RBFOX2: variants seen among roughly 807,000 people sequenced by gnomAD.
RBFOX2 encodes RNA binding protein fox-1 homolog 2.
RBFOX2 carries 10 observed loss-of-function variants against 49.1 expected under a neutral mutation model. The ratio of observed to expected loss-of-function variants is 0.20; its 90% confidence interval spans 0.13 to 0.35. The LOEUF is 0.35. RBFOX2 is among the 10% of genes least tolerant of loss of function. The probability of loss-of-function intolerance (pLI) is 1.00; values close to 1 mark genes in which losing one functional copy is unlikely to be tolerated. For missense variants in RBFOX2, 323 were observed against 486.9 expected (o/e 0.66, Z 3.17); for synonymous variants, 183 against 187.4 (o/e 0.98, Z 0.19).
chr22:35,766,933 G>C (rs556003526), intron 5 of RBFOX2, among the ~76,000 whole-genome samples: 1 of 152,154 alleles, frequency 6.6e-6, no homozygotes, highest in Non-Finnish European at 1.5e-5. Context: ...CGGAAAAAGA[G>C]AGTAAGGTAG....
intron 1 of RBFOX2, among the ~76,000 whole-genome samples, chr22:35,868,997 C>T (rs1336050803): frequency 6.6e-6 from 1 of 152,096 alleles, no homozygotes; most frequent in African/African-American, 2.4e-5. Context: ...AGGGCTTTAC[C>T]TTTATTTCTA....
At chr22:35,886,430 C>T (rs1028416723) in intron 1 of RBFOX2, among the ~76,000 whole-genome samples, 2 of 152,148 alleles carry the variant, frequency 1.3e-5, no homozygotes, top group African/African-American at 2.4e-5. Context: ...GCAATATAGT[C>T]ATGTGCTGCT....
intron 1 of RBFOX2, among the ~76,000 whole-genome samples, chr22:35,902,694 G>A (rs1037466762): frequency 6.6e-6 from 1 of 151,820 alleles, no homozygotes; most frequent in African/African-American, 2.4e-5. Context: ...GCCCAGGCTG[G>A]AGTGCAGTGG....
At chr22:35,828,794 G>A (rs1261438764) in intron 1 of RBFOX2, among the ~76,000 whole-genome samples, 7 of 152,244 alleles carry the variant, frequency 4.6e-5, no homozygotes, top group Admixed American at 4.6e-4. Flanking sequence ...GCTCATGCCT[G>A]TAATCCCAGC....
intron 1 of RBFOX2, among the ~76,000 whole-genome samples, chr22:35,828,160 CAAA>C (rs201383680): frequency 7.5e-5 from 5 of 66,548 alleles, no homozygotes; most frequent in Non-Finnish European, 6.5e-5. Flanking sequence ...GAATCTGTCT[CAAA>C]AAAAAAAAAA....
At chr22:35,961,955 A>T (rs1327942546), upstream of RBFOX2, among the ~76,000 whole-genome samples, 1 of 152,202 alleles carries the variant, frequency 6.6e-6, no homozygotes, top group African/African-American at 2.4e-5. Flanking sequence ...TCTGCTGAGC[A>T]TTAAAAACAA....
chr22:35,891,341 G>C (rs2149371410), intron 1 of RBFOX2, among the ~76,000 whole-genome samples: 1 of 152,174 alleles, frequency 6.6e-6, no homozygotes, highest in Admixed American at 6.5e-5. Flanking sequence ...CACCATGTTA[G>C]CCAGAATGGT....
intron 1 of RBFOX2, among the ~76,000 whole-genome samples, chr22:35,858,989 T>G (rs754581138): frequency 4.6e-5 from 7 of 152,232 alleles, no homozygotes; most frequent in Non-Finnish European, 7.3e-5. Context: ...TCAGTCAATA[T>G]TCATTCAATC....
chr22:36,010,933 C>T (rs2058799634), intron 1 of RBFOX2, among the ~76,000 whole-genome samples: 1 of 152,138 alleles, frequency 6.6e-6, no homozygotes, highest in Non-Finnish European at 1.5e-5. Context: ...GCAATTATGG[C>T]TGCTGAGATG....
intron 1 of RBFOX2, among the ~76,000 whole-genome samples, chr22:35,945,242 T>G (rs966154982): frequency 6.6e-6 from 1 of 152,140 alleles, no homozygotes; most frequent in African/African-American, 2.4e-5. Context: ...CAGACCACAC[T>G]GACTAAAAAA....
chr22:35,833,402 CTT>C (rs1400030038), intron 1 of RBFOX2, among the ~76,000 whole-genome samples: 6 of 152,116 alleles, frequency 3.9e-5, no homozygotes, highest in Non-Finnish European at 8.8e-5. Flanking sequence ...ATAAAGAAAA[CTT>C]TTCTACTTAT....
intron 1 of RBFOX2, among the ~76,000 whole-genome samples, chr22:35,919,457 T>C (rs1417257105): frequency 6.6e-6 from 1 of 150,882 alleles, no homozygotes; most frequent in African/African-American, 2.4e-5. Context: ...AGCTTGAACC[T>C]GGGAGGCGGA....
At chr22:35,815,855 G>A in intron 1 of RBFOX2, among the ~76,000 whole-genome samples, 1 of 151,994 alleles carries the variant, frequency 6.6e-6, no homozygotes. Context: ...TTGATCCCTT[G>A]GGATTTGCTT....
chr22:35,874,557 A>G (rs1403030368), intron 1 of RBFOX2, among the ~76,000 whole-genome samples: 1 of 152,206 alleles, frequency 6.6e-6, no homozygotes, highest in Non-Finnish European at 1.5e-5. Context: ...GAGGGAAGAA[A>G]ATCTTAGGGA....
chr22:35,835,157 G>A (rs556490583), intron 1 of RBFOX2, among the ~76,000 whole-genome samples: 1 of 152,080 alleles, frequency 6.6e-6, no homozygotes, highest in Admixed American at 6.5e-5. Context: ...AATGTTGGGA[G>A]GAAATGTTCA....
chr22:35,875,607 GGTGTGTGTGTGT>G (rs56137825), intron 1 of RBFOX2, among the ~76,000 whole-genome samples: 3,601 of 117,696 alleles, frequency 0.031, 57 homozygotes, highest in Middle Eastern at 0.038. Flanking sequence ...TGCTCACAAG[GGTGTGTGTGTGT>G]GTGTGTGTGT....
chr22:35,819,219 G>A (rs1457843349), intron 1 of RBFOX2, among the ~76,000 whole-genome samples: 2 of 151,980 alleles, frequency 1.3e-5, no homozygotes, highest in Non-Finnish European at 2.9e-5. Context: ...TGCAGTATAA[G>A]TCTATAAAAA....
intron 1 of RBFOX2, among the ~76,000 whole-genome samples, chr22:35,895,465 C>T (rs1490682630): frequency 6.6e-6 from 1 of 152,204 alleles, no homozygotes; most frequent in Admixed American, 6.5e-5. Flanking sequence ...TCCTTTCTCA[C>T]AATGTGTGCT....
chr22:36,003,593 T>G (rs971436277), intron 1 of RBFOX2, among the ~76,000 whole-genome samples: 1 of 152,258 alleles, frequency 6.6e-6, no homozygotes, highest in Non-Finnish European at 1.5e-5. Flanking sequence ...TTTGAGTTTT[T>G]GGCTTTTTGG....
Sources: gnomAD v4.1 joint callset for allele counts (sites outside exome capture counted in the v4.1 genomes callset) on GRCh38, gnomAD v4.1.1 for gene constraint, MANE v1.5 for transcripts, NCBI Gene and HGNC (gene_info 2026-07-23, HGNC 2026-07-21) for gene names.